SYN3: variants seen among roughly 807,000 people sequenced by gnomAD.
SYN3 encodes synapsin-3.
Under a neutral mutation model 65.8 loss-of-function variants are expected in SYN3, and 35 were observed. That is an observed-to-expected ratio of 0.53 (90% confidence interval 0.41 to 0.70). The LOEUF (loss-of-function observed/expected upper bound fraction) is 0.70, where lower values mean the gene tolerates loss of function less well. SYN3 is among the 30% of genes least tolerant of loss of function. The pLI, the probability that SYN3 is intolerant of heterozygous loss-of-function variation, is 0.00. For synonymous variants in SYN3, 270 were observed against 292.9 expected (o/e 0.92, Z 0.80); for missense variants, 680 against 749.0 (o/e 0.91, Z 1.08).
rs573427909 is a variant in SYN3 at position 32,767,565 on chromosome 22, C to G, written c.711+97350G>C. Among the ~76,000 whole-genome samples the G allele has an allele frequency of 2.0e-5, 3 of 152,316 alleles. No individual in the cohort carries two copies. In the South Asian group the frequency reaches 6.2e-4, roughly 32 times the overall value. ...AGAGCCCCTCTAATATGAATGGCGTCATGACTAGGTAAGGGAATTCTAGTT... is the reference window on the plus strand; with the variant it reads ...AGAGCCCCTCTAATATGAATGGCGTGATGACTAGGTAAGGGAATTCTAGTT... On this transcript the variant is annotated intron_variant, in intron 6 of 13. Transcript: ENST00000358763.
At chr22:32,754,309 G>A (rs918694197) in intron 6 of SYN3, among the ~76,000 whole-genome samples, 1 of 152,088 alleles carries the variant, frequency 6.6e-6, no homozygotes, top group Admixed American at 6.6e-5. Context: ...CTGCAACCAC[G>A]CCTGGCTACT....
intron 1 of SYN3, among the ~76,000 whole-genome samples, chr22:33,011,103 C>A (rs5998691): frequency 5.0e-4 from 76 of 152,250 alleles, no homozygotes; most frequent in African/African-American, 1.7e-3. Flanking sequence ...CTAGCTAGGA[C>A]CTCCAATATT....
chr22:32,827,492 A>T (rs1569256281), intron 6 of SYN3, among the ~76,000 whole-genome samples: 1 of 152,080 alleles, frequency 6.6e-6, no homozygotes, highest in African/African-American at 2.4e-5. Flanking sequence ...CTCCTCCCGT[A>T]CCTCTGGGCT....
chr22:32,955,595 G>T (rs5998667), intron 3 of SYN3, among the ~76,000 whole-genome samples: 2 of 152,050 alleles, frequency 1.3e-5, no homozygotes, highest in African/African-American at 4.8e-5. Context: ...GTGGCATTAA[G>T]TACATTCATG....
chr22:32,977,060 C>T (rs1156772339), intron 3 of SYN3, among the ~76,000 whole-genome samples: 4 of 152,058 alleles, frequency 2.6e-5, no homozygotes, highest in Admixed American at 2.6e-4. Flanking sequence ...GATTCTGATT[C>T]CAAGATGGAT....
intron 6 of SYN3, among the ~76,000 whole-genome samples, chr22:32,630,731 C>G (rs1180832063): frequency 6.6e-6 from 1 of 152,174 alleles, no homozygotes; most frequent in Non-Finnish European, 1.5e-5. Flanking sequence ...GCAAGTTTCC[C>G]CTTAGGACTT....
rs1220093157 is a variant in SYN3, at chr22:32,586,088, A to ATGTATATATGTACATG, written c.774+10585_774+10586insCATGTACATATATACA. Among the ~76,000 whole-genome samples the ATGTATATATGTACATG allele has an allele frequency of 5.0e-3, 485 of 97,262 alleles. 20 individuals carry two copies. The highest frequency in any genetic ancestry group is 0.013 in the African/African-American group (461 of 34,340). 63.8% of individuals were successfully genotyped at this position (97,262 alleles called of 152,430 possible). On this transcript the variant is annotated intron_variant, in intron 7 of 13. Coordinates refer to ENST00000358763, the MANE Select transcript of SYN3 (RefSeq NM_003490.4). Reference sequence around the variant, plus strand: ...TATATGTATACATGTATACATGTATATATGTATATATGTATACATGTATAT... The same window carrying ATGTATATATGTACATG: ...TATATGTATACATGTATACATGTATATGTATATATGTACATGTATGTATATATGTATACATGTATAT...
At chr22:32,745,191 C>T (rs1283929110) in intron 6 of SYN3, among the ~76,000 whole-genome samples, 1 of 152,146 alleles carries the variant, frequency 6.6e-6, no homozygotes, top group Non-Finnish European at 1.5e-5. Flanking sequence ...CTCTGCGCTC[C>T]CAGCACCCAG....
chr22:32,993,746 C>A lies in SYN3; in HGVS notation c.311+12606G>T, dbSNP rs184107226. ...ATTGTGATAGAAAGTCTTTTGGGGG[C>A]CATGCTCCTAGGCCAACCTCACTGT... On this transcript the variant is annotated intron_variant, in intron 2 of 13. Coordinates refer to ENST00000358763, the MANE Select transcript of SYN3 (RefSeq NM_003490.4). 3.9e-5 allele frequency among the ~76,000 whole-genome samples: 6 copies of A among 152,276 alleles called. No individual in the cohort carries two copies. In the East Asian group the frequency reaches 1.2e-3, roughly 29 times the overall value.
chr22:32,594,252 G>A (rs1243362442), intron 7 of SYN3, among the ~76,000 whole-genome samples: 2 of 152,160 alleles, frequency 1.3e-5, no homozygotes. Context: ...GCCACTCAGG[G>A]CTCTGGGATA....
At chr22:32,865,147 A>T in intron 5 of SYN3, 143 bp from the exon 6 acceptor site, 1 of 653,416 alleles carries the variant, frequency 1.5e-6, no homozygotes, top group Non-Finnish European at 2.8e-6. Flanking sequence ...TAGGATAAAG[A>T]CCAGATTCCT....
At chr22:32,753,619 C>T (rs2045205594) in intron 6 of SYN3, among the ~76,000 whole-genome samples, 1 of 152,244 alleles carries the variant, frequency 6.6e-6, no homozygotes, top group Non-Finnish European at 1.5e-5. Context: ...CTTTCATTCT[C>T]GTCTATGGAA....
rs868596004 is a variant in SYN3, at chr22:32,611,293, T to G, written c.712-14557A>C. On this transcript the variant is annotated intron_variant, in intron 6 of 13. Transcript: ENST00000358763. ...CTAGAGTTTTTTTTTTGTTTTTTTTTTTTTTTTTTTTTGTGGGGGGGATGG... is the reference window on the plus strand; with the variant it reads ...CTAGAGTTTTTTTTTTGTTTTTTTTGTTTTTTTTTTTTGTGGGGGGGATGG... Among the ~76,000 whole-genome samples the G allele has an allele frequency of 1.3e-4, 15 of 115,518 alleles. No homozygotes were observed. In the South Asian group the frequency reaches 1.7e-3, roughly 13 times the overall value. The allele number at this position is 115,518 out of a possible 152,430, so 75.8% of individuals were successfully genotyped here.
intron 1 of SYN3, among the ~76,000 whole-genome samples, chr22:33,047,776 C>A (rs1175133639): frequency 6.6e-6 from 1 of 150,868 alleles, no homozygotes; most frequent in African/African-American, 2.4e-5. Flanking sequence ...TACAGAACAC[C>A]TGCTCTACAG....
chr22:32,822,414 A>G (rs143996244), intron 6 of SYN3, among the ~76,000 whole-genome samples: 1 of 152,230 alleles, frequency 6.6e-6, no homozygotes, highest in Non-Finnish European at 1.5e-5. Flanking sequence ...ATCCTCATGG[A>G]GTCTGGTCTC....
At chr22:32,733,195 A>G (rs2061293129) in intron 6 of SYN3, among the ~76,000 whole-genome samples, 1 of 152,194 alleles carries the variant, frequency 6.6e-6, no homozygotes, top group African/African-American at 2.4e-5. Context: ...ATCTAATGCC[A>G]CAAAGCGAAA....
At chr22:32,677,869 A>AGT (rs989770546) in intron 6 of SYN3, among the ~76,000 whole-genome samples, 41 of 151,938 alleles carry the variant, frequency 2.7e-4, no homozygotes, top group African/African-American at 7.2e-4. Flanking sequence ...GCTGGAGAGA[A>AGT]GTGTGTGTGT....
At chr22:33,054,037 G>A (rs911832389) in intron 1 of SYN3, among the ~76,000 whole-genome samples, 3 of 152,162 alleles carry the variant, frequency 2.0e-5, no homozygotes, top group Non-Finnish European at 4.4e-5. Context: ...GTTTGGACAC[G>A]GGAGAGGGGG....
chr22:32,868,283 T>G (rs1009424075), intron 5 of SYN3, among the ~76,000 whole-genome samples: 1 of 151,540 alleles, frequency 6.6e-6, no homozygotes, highest in Non-Finnish European at 1.5e-5. Context: ...ATAACATGTT[T>G]TGTTATTATA....
Sources: gnomAD v4.1 joint callset for allele counts (sites outside exome capture counted in the v4.1 genomes callset) on GRCh38, gnomAD v4.1.1 for gene constraint, MANE v1.5 for transcripts, NCBI Gene and HGNC (gene_info 2026-07-23, HGNC 2026-07-21) for gene names.